SEMA3C: variants seen among roughly 807,000 people sequenced by gnomAD.
SEMA3C encodes semaphorin 3C.
A neutral mutation model predicts 89.4 loss-of-function variants in SEMA3C; 47 were observed. That is an observed-to-expected ratio of 0.53 (90% CI 0.42 to 0.67). The LOEUF is 0.67. Among genes scored for constraint, SEMA3C ranks in the 30% least tolerant of loss-of-function variants. SEMA3C has a pLI of 0.00. For synonymous variants in SEMA3C, 310 were observed against 320.2 expected (o/e 0.97, Z 0.34); for missense variants, 839 against 929.1 (o/e 0.90, Z 1.26).
chr7:80,779,359 T>A (rs1305753719), intron 12 of SEMA3C, among the ~76,000 whole-genome samples: 1 of 152,132 alleles, frequency 6.6e-6, no homozygotes, highest in African/African-American at 2.4e-5. Context: ...AAGGAATTCA[T>A]TACTCTCCAA....
At chr7:80,820,054 CTTTTTTTTTTTTT>C (rs768363975) in intron 4 of SEMA3C, among the ~76,000 whole-genome samples, 17 of 124,126 alleles carry the variant, frequency 1.4e-4, no homozygotes, top group Non-Finnish European at 2.8e-4. Flanking sequence ...ATGTATGCTC[CTTTTTTTTTTTTT>C]TTTTTTTAGA....
intron 2 of SEMA3C, among the ~76,000 whole-genome samples, chr7:80,867,245 T>C (rs2116027937): frequency 6.6e-6 from 1 of 152,218 alleles, no homozygotes; most frequent in Admixed American, 6.5e-5. Flanking sequence ...AAAATAGATT[T>C]CTTTCTTTTC....
At chr7:80,855,702 C>T (rs2115960576) in intron 2 of SEMA3C, among the ~76,000 whole-genome samples, 1 of 152,238 alleles carries the variant, frequency 6.6e-6, no homozygotes, top group East Asian at 1.9e-4. Flanking sequence ...AATCTCAAGG[C>T]TGGATGACTC....
intron 2 of SEMA3C, among the ~76,000 whole-genome samples, chr7:80,860,716 C>T (rs574917434): frequency 3.9e-5 from 6 of 152,222 alleles, no homozygotes; most frequent in South Asian, 2.1e-4. Context: ...AGAAACAGAA[C>T]GGATAAGTGC....
intron 12 of SEMA3C, among the ~76,000 whole-genome samples, chr7:80,785,358 T>C (rs1788777824): frequency 6.6e-6 from 1 of 152,190 alleles, no homozygotes. Flanking sequence ...CTTCATTGAG[T>C]TCCCCTGAAT....
chr7:80,840,496 G>A (rs1323204837), intron 2 of SEMA3C, among the ~76,000 whole-genome samples: 1 of 139,776 alleles, frequency 7.2e-6, no homozygotes, highest in East Asian at 2.4e-4. Context: ...TCCAGCCTAG[G>A]TGACAGAGCA....
intron 11 of SEMA3C, among the ~76,000 whole-genome samples, chr7:80,796,796 AT>A (rs1179673022): frequency 1.3e-5 from 2 of 152,224 alleles, no homozygotes; most frequent in South Asian, 2.1e-4. Context: ...CACAAAATAC[AT>A]ATAAATGATT....
chr7:80,919,026 C>T lies in SEMA3C; in HGVS notation c.-237G>A, dbSNP rs1216313884. ...CCGCGGCACCCGGAGCTCTTCTCCG[C>T]GTCGCTCAATCAAGCACCTCGGAGT... is the stretch of plus-strand genomic sequence containing the variant. On this transcript the variant is annotated 5_prime_UTR_variant, in exon 1 of 18. Coordinates refer to ENST00000265361, the MANE Select transcript of SEMA3C (RefSeq NM_006379.5). The T allele has an allele frequency of 1.1e-5, 11 of 985,240 alleles. No homozygotes were observed. The highest frequency in any genetic ancestry group is 5.2e-4 in the Middle Eastern group (1 of 1,934). 61.0% of individuals were successfully genotyped at this position (985,240 alleles called of 1,614,324 possible).
intron 2 of SEMA3C, 115 bp from the exon 3 acceptor site, chr7:80,828,860 A>G (rs1215201540): frequency 6.4e-6 from 5 of 787,112 alleles, no homozygotes; most frequent in African/African-American, 1.7e-5. Context: ...ATTTTCTTCT[A>G]CAGTAAGAAA....
At chr7:80,912,704 C>G (rs1792180664) in intron 2 of SEMA3C, among the ~76,000 whole-genome samples, 1 of 152,198 alleles carries the variant, frequency 6.6e-6, no homozygotes, top group African/African-American at 2.4e-5. Flanking sequence ...CACCTGAGAA[C>G]TAAATACTTC....
intron 2 of SEMA3C, among the ~76,000 whole-genome samples, chr7:80,863,350 A>AAC (rs953515157): frequency 6.6e-5 from 10 of 151,996 alleles, no homozygotes; most frequent in African/African-American, 2.4e-4. Flanking sequence ...AAAAAAAAAA[A>AAC]AAAACAGTAG....
chr7:80,916,768 G>C lies in SEMA3C; in HGVS notation c.14C>G (p.Thr5Arg), dbSNP rs1792286935. 6.2e-7 allele frequency: 1 copy of C among 1,613,138 alleles called. No individual in the cohort carries two copies. Among genetic ancestry groups the C allele is most frequent in the African/African-American group, 1.3e-5 (1 of 74,850 alleles). MAFR[T>R]ICVLVGVFIC... Reference sequence around the variant, plus strand: ...AAATACTCCAACCAACACGCAAATTGTCCGGAATGCCATTTCTTCAGATAT... The same window carrying C: ...AAATACTCCAACCAACACGCAAATTCTCCGGAATGCCATTTCTTCAGATAT... Residue 5 changes from threonine to arginine, a missense_variant, in exon 2 of 18, where the codon ACA (threonine) becomes AGA (arginine). Physicochemically the swap from Thr to Arg is moderately conservative, Grantham distance 71. Coordinates refer to ENST00000265361, the MANE Select transcript of SEMA3C (RefSeq NM_006379.5).
chr7:80,856,557 A>AC (rs1562907982), intron 2 of SEMA3C, among the ~76,000 whole-genome samples: 3 of 150,074 alleles, frequency 2.0e-5, no homozygotes, highest in African/African-American at 7.4e-5. Flanking sequence ...AAAAAAAAAA[A>AC]CTAGGTTGGA....
At chr7:80,903,738 A>T (rs537671354) in intron 2 of SEMA3C, among the ~76,000 whole-genome samples, 2 of 152,356 alleles carry the variant, frequency 1.3e-5, no homozygotes, top group East Asian at 3.9e-4. Flanking sequence ...ATTATGCAGT[A>T]CATTAGTGTG....
At chr7:80,903,764 G>C (rs1439549362) in intron 2 of SEMA3C, among the ~76,000 whole-genome samples, 1 of 152,050 alleles carries the variant, frequency 6.6e-6, no homozygotes, top group Non-Finnish European at 1.5e-5. Context: ...TATCTACTAC[G>C]TATCACACAT....
intron 2 of SEMA3C, among the ~76,000 whole-genome samples, chr7:80,861,602 A>G (rs1419765783): frequency 2.6e-5 from 4 of 152,202 alleles, no homozygotes; most frequent in Non-Finnish European, 5.9e-5. Context: ...TAAACATTTA[A>G]AGCCTTTAGA....
Position 80,804,128 on chromosome 7 carries a change from G to A in SEMA3C, c.779C>T (p.Ser260Phe). The A allele has an allele frequency of 6.2e-7, 1 of 1,611,346 alleles. No homozygotes were observed. The highest frequency in any genetic ancestry group is 8.5e-7 in the Non-Finnish European group (1 of 1,178,466). The change falls in exon 8 of 18, where the codon TCC becomes TTC. Residue 260 changes from serine (S) to phenylalanine (F), a missense_variant. Transcript: ENST00000265361. ...TACAGGACATATTCGAGCAATCATG[G>A]AATGAATCTGTTTCGTGCTCCTGTT... ...DNNRSTKQIH[S>F]MIARICPNDT...
At chr7:80,902,721 T>C (rs1322302154) in intron 2 of SEMA3C, among the ~76,000 whole-genome samples, 1 of 152,212 alleles carries the variant, frequency 6.6e-6, no homozygotes, top group Admixed American at 6.5e-5. Context: ...AGGGGCAGTC[T>C]TGTTCCCATT....
At chr7:80,813,297 A>G (rs970540538) in intron 5 of SEMA3C, among the ~76,000 whole-genome samples, 10 of 152,186 alleles carry the variant, frequency 6.6e-5, no homozygotes, top group East Asian at 1.9e-4. Context: ...AATTCAATAC[A>G]TTACAGATTT....
Sources: gnomAD v4.1 joint callset for allele counts (sites outside exome capture counted in the v4.1 genomes callset) on GRCh38, gnomAD v4.1.1 for gene constraint, MANE v1.5 for transcripts, NCBI Gene and HGNC (gene_info 2026-07-23, HGNC 2026-07-21) for gene names.